The following FSIP1 variants were observed in gnomAD, a reference collection of about 807,000 sequenced individuals.
FSIP1 encodes the protein fibrous sheath-interacting protein 1.
A neutral mutation model predicts 60.9 loss-of-function variants in FSIP1; 65 were observed. The observed-to-expected ratio is 1.07, with a 90% CI of 0.87 to 1.31. FSIP1 has a LOEUF of 1.31. Ranked by LOEUF, FSIP1 falls within the 40% of genes most tolerant of loss-of-function variation. The probability of loss-of-function intolerance (pLI) is 0.00; values close to 1 mark genes in which losing one functional copy is unlikely to be tolerated. For synonymous variants in FSIP1, 209 were observed against 221.2 expected (o/e 0.94, Z 0.49); for missense variants, 675 against 665.5 (o/e 1.01, Z -0.16).
intron 10 of FSIP1, among the ~76,000 whole-genome samples, chr15:39,701,113 C>G (rs973180702): frequency 2.0e-5 from 3 of 152,184 alleles, no homozygotes; most frequent in Non-Finnish European, 4.4e-5. Flanking sequence ...GATTGCACCA[C>G]TGCACTCCAG....
chr15:39,769,234 G>A (rs934219518), intron 3 of FSIP1, among the ~76,000 whole-genome samples: 11 of 150,316 alleles, frequency 7.3e-5, no homozygotes, highest in Admixed American at 3.3e-4. Context: ...AGCCGAGATC[G>A]CGCCACTGCA....
chr15:39,604,014 C>T (rs1321279720), intron 11 of FSIP1, among the ~76,000 whole-genome samples: 1 of 152,204 alleles, frequency 6.6e-6, no homozygotes, highest in Non-Finnish European at 1.5e-5. Flanking sequence ...TCACCGCAAC[C>T]TCCACCTCCC....
At chr15:39,648,951 T>G (rs1892748605) in intron 10 of FSIP1, among the ~76,000 whole-genome samples, 1 of 152,208 alleles carries the variant, frequency 6.6e-6, no homozygotes, top group South Asian at 2.1e-4. Flanking sequence ...AAGTTTTTTT[T>G]TTTTATTTGG....
intron 10 of FSIP1, among the ~76,000 whole-genome samples, chr15:39,643,243 T>A (rs1224001795): frequency 3.9e-5 from 6 of 152,272 alleles, no homozygotes; most frequent in African/African-American, 1.2e-4. Flanking sequence ...ATTGCTTATA[T>A]GTTTAGGAAA....
chr15:39,703,270 C>G (rs1895133971), intron 10 of FSIP1, among the ~76,000 whole-genome samples: 1 of 152,172 alleles, frequency 6.6e-6, no homozygotes, highest in Non-Finnish European at 1.5e-5. Context: ...GCGTGAGCCA[C>G]CGTGCCCAGC....
intron 9 of FSIP1, among the ~76,000 whole-genome samples, chr15:39,716,977 G>C (rs1258719027): frequency 1.3e-5 from 2 of 151,930 alleles, no homozygotes; most frequent in East Asian, 1.9e-4. Flanking sequence ...ACCATGCCTG[G>C]CTAATTTTTG....
chr15:39,618,345 CT>C, intron 10 of FSIP1, 100 bp from the exon 11 acceptor site: 1 of 835,252 alleles, frequency 1.2e-6, no homozygotes, highest in Non-Finnish European at 1.9e-6. Context: ...CAAGTAACCC[CT>C]TACACAACAC....
intron 9 of FSIP1, 23 bp from the exon 10 acceptor site, chr15:39,713,604 AC>A: frequency 6.4e-7 from 1 of 1,551,060 alleles, no homozygotes; most frequent in Non-Finnish European, 8.7e-7. Context: ...AAAAAAAAAA[AC>A]ATCATTCACA....
chr15:39,774,708 A>G (rs528886563), intron 2 of FSIP1, among the ~76,000 whole-genome samples: 1 of 152,326 alleles, frequency 6.6e-6, no homozygotes, highest in Admixed American at 6.5e-5. Flanking sequence ...AATTAGATGA[A>G]CCTGCACAAG....
At chr15:39,618,681 A>C (rs569211752) in intron 10 of FSIP1, among the ~76,000 whole-genome samples, 3 of 152,366 alleles carry the variant, frequency 2.0e-5, no homozygotes, top group Admixed American at 6.5e-5. Flanking sequence ...GGGGCATTCC[A>C]GAGGCGGTGT....
At chr15:39,748,383 C>A (rs1310002825) in intron 5 of FSIP1, among the ~76,000 whole-genome samples, 1 of 152,096 alleles carries the variant, frequency 6.6e-6, no homozygotes, top group Non-Finnish European at 1.5e-5. Flanking sequence ...CAAGTGTCCA[C>A]GGAGTACTTA....
chr15:39,721,600 A>T (rs975301928), intron 9 of FSIP1, among the ~76,000 whole-genome samples: 15 of 152,324 alleles, frequency 9.8e-5, no homozygotes, highest in Non-Finnish European at 2.2e-4. Context: ...AGTGTCTCCT[A>T]TGAAATAAGC....
intron 7 of FSIP1, 124 bp downstream of exon 7, chr15:39,739,541 C>T (rs1439503636): frequency 2.3e-6 from 2 of 875,556 alleles, no homozygotes; most frequent in Middle Eastern, 2.4e-4. Context: ...ATTATATCTA[C>T]TAATTCAATC....
rs559206158 is a variant in FSIP1 at position 39,689,817 on chromosome 15, T to C, written c.1188+23627A>G. ...ATCACTGAAGTCCTCAAAAAGAAAA[T>C]GTTAGAAGCAAATGGAGAATCATTT... On this transcript the variant is annotated intron_variant, in intron 10 of 11. Coordinates refer to ENST00000350221, the MANE Select transcript of FSIP1 (RefSeq NM_152597.5). Among the ~76,000 whole-genome samples the C allele has an allele frequency of 4.0e-4, 61 of 152,244 alleles. 1 individual carries two copies. In the South Asian group the frequency reaches 0.011, roughly 28 times the overall value.
At chr15:39,610,020 AGG>A (rs1262924345) in intron 11 of FSIP1, among the ~76,000 whole-genome samples, 1 of 152,218 alleles carries the variant, frequency 6.6e-6, no homozygotes, top group East Asian at 1.9e-4. Context: ...AGGCCAAAAG[AGG>A]TGGCCATTTC....
intron 9 of FSIP1, among the ~76,000 whole-genome samples, chr15:39,720,620 T>A (rs547802644): frequency 1.6e-4 from 25 of 152,334 alleles, no homozygotes; most frequent in South Asian, 8.3e-4. Context: ...TGAATCCGGT[T>A]GCTAAGGATT....
intron 10 of FSIP1, among the ~76,000 whole-genome samples, chr15:39,642,707 A>G (rs1892425487): frequency 6.6e-6 from 1 of 152,190 alleles, no homozygotes; most frequent in Admixed American, 6.5e-5. Context: ...CAAACTTTCA[A>G]AGTTTTTTTG....
In FSIP1 at chr15:39,713,540, T is replaced by C. The variant is rs1306414108; in HGVS notation, c.1092A>G (p.Pro364=). 1.2e-6 allele frequency: 2 copies of C among 1,607,866 alleles called. No homozygotes were observed. The highest frequency in any genetic ancestry group is 1.7e-4 in the Middle Eastern group (1 of 6,036). Residue 364 remains proline (P), a synonymous_variant, in exon 10 of 12, where the codon CCA becomes CCG. Transcript: ENST00000350221. The stretch of plus-strand genomic sequence containing the variant: ...TGGTGTTCCTAAGTATCTTTTCTCC[T>C]GGAGTTACTTCCATATTTCTTTCAC... The part of the protein sequence containing the change: ...RDGERNMEVT[P]GEKILRNTKE...
chr15:39,686,571 C>T (rs1030641823), intron 10 of FSIP1, among the ~76,000 whole-genome samples: 3 of 152,204 alleles, frequency 2.0e-5, no homozygotes, highest in African/African-American at 7.2e-5. Context: ...TTCAAAAGCC[C>T]TGTGAGCAAA....
Sources: allele counts gnomAD v4.1 joint callset (sites outside exome capture counted in the v4.1 genomes callset), GRCh38; gene constraint gnomAD v4.1.1; transcripts MANE v1.5; gene names NCBI Gene and HGNC (gene_info 2026-07-23, HGNC 2026-07-21).